RIMS1: variants seen among roughly 807,000 people sequenced by gnomAD.
RIMS1 encodes regulating synaptic membrane exocytosis protein 1.
In RIMS1, 83 loss-of-function variants were observed where a neutral mutation model predicts 214.1. The observed-to-expected ratio is 0.39, with a 90% CI of 0.32 to 0.47. The LOEUF (loss-of-function observed/expected upper bound fraction) is 0.47, where lower values mean the gene tolerates loss of function less well. Ranked by LOEUF, RIMS1 falls within the 20% of genes least tolerant of loss-of-function variation. The pLI is 0.99. For synonymous variants in RIMS1, 793 were observed against 786.8 expected (o/e 1.01, Z -0.13); for missense variants, 2,050 against 2,161.8 (o/e 0.95, Z 1.03).
chr6:72,385,413 T>A (rs922220588), intron 29 of RIMS1, among the ~76,000 whole-genome samples: 1 of 152,200 alleles, frequency 6.6e-6, no homozygotes, highest in African/African-American at 2.4e-5. Context: ...TAACAAACTT[T>A]TACAAACTAA....
chr6:71,960,146 T>C (rs963433533), intron 1 of RIMS1, among the ~76,000 whole-genome samples: 13 of 152,180 alleles, frequency 8.5e-5, no homozygotes, highest in Admixed American at 7.9e-4. Context: ...TTTAGTTATT[T>C]GCTTCTCTTT....
chr6:72,084,884 C>T (rs543578836), intron 2 of RIMS1, among the ~76,000 whole-genome samples: 1 of 152,092 alleles, frequency 6.6e-6, no homozygotes, highest in Non-Finnish European at 1.5e-5. Context: ...ACCATAAAAA[C>T]TACCAACAAT....
intron 1 of RIMS1, among the ~76,000 whole-genome samples, chr6:71,924,864 CTT>C (rs972915587): frequency 3.4e-5 from 5 of 146,016 alleles, no homozygotes; most frequent in Non-Finnish European, 7.6e-5. Flanking sequence ...TAAAAAATCT[CTT>C]TGAGGGTGTT....
At chr6:71,908,486 A>G (rs1380807104) in intron 1 of RIMS1, among the ~76,000 whole-genome samples, 1 of 152,180 alleles carries the variant, frequency 6.6e-6, no homozygotes, top group Non-Finnish European at 1.5e-5. Context: ...ACTGCTTCAT[A>G]TGAGCCTCCT....
At chr6:72,302,894 A>C (rs1383755703) in intron 26 of RIMS1, among the ~76,000 whole-genome samples, 1 of 151,074 alleles carries the variant, frequency 6.6e-6, no homozygotes, top group East Asian at 1.9e-4. Context: ...ATGCTTGAAA[A>C]TATTAGGAGG....
At position 72,010,341 on chromosome 6, in the gene RIMS1, G is replaced by C. The variant is rs141331738; in HGVS notation, c.245+41278G>C. On this transcript the variant is annotated intron_variant, in intron 2 of 33. Coordinates refer to ENST00000521978, the MANE Select transcript of RIMS1 (RefSeq NM_014989.7). ...GATGGGACATATCTCAAAATAATAAGAGCTATCTATGACAAACCCACAGCC... is the reference window on the plus strand; with the variant it reads ...GATGGGACATATCTCAAAATAATAACAGCTATCTATGACAAACCCACAGCC... 4.0e-4 allele frequency among the ~76,000 whole-genome samples: 61 copies of C among 152,222 alleles called. No homozygotes were observed. In the East Asian group the frequency reaches 0.01, roughly 26 times the overall value.
chr6:72,197,702 A>G (rs766358723), intron 6 of RIMS1, among the ~76,000 whole-genome samples: 5 of 152,056 alleles, frequency 3.3e-5, no homozygotes, highest in Non-Finnish European at 5.9e-5. Context: ...TCTCCAAGCC[A>G]GGAAATAAAA....
At chr6:71,970,458 GTA>G (rs1220372634) in intron 2 of RIMS1, among the ~76,000 whole-genome samples, 1 of 151,964 alleles carries the variant, frequency 6.6e-6, no homozygotes, top group Non-Finnish European at 1.5e-5. Context: ...TATATTCCAC[GTA>G]TCGAGGTTTC....
At chr6:72,038,858 T>C (rs1347447760) in intron 2 of RIMS1, among the ~76,000 whole-genome samples, 1 of 152,158 alleles carries the variant, frequency 6.6e-6, no homozygotes, top group East Asian at 1.9e-4. Flanking sequence ...GTTACCATAA[T>C]GAGGTGTTTT....
At chr6:72,300,159 G>A (rs1198161886) in intron 26 of RIMS1, among the ~76,000 whole-genome samples, 2 of 151,766 alleles carry the variant, frequency 1.3e-5, no homozygotes, top group Non-Finnish European at 3.0e-5. Context: ...GGGTTAAGCA[G>A]ATTGATTAGA....
rs1022440461 is a variant in RIMS1, at chr6:72,004,172, A to C, written c.245+35109A>C. ...ACTGAGAATGATGATTTCCCATTTC[A>C]TCCATGTCCCTACAAAGGACATGAA... is the stretch of plus-strand genomic sequence containing the variant. On this transcript the variant is annotated intron_variant, in intron 2 of 33. Coordinates refer to ENST00000521978, the MANE Select transcript of RIMS1 (RefSeq NM_014989.7). Among the ~76,000 whole-genome samples, 130 of 151,352 alleles carry C rather than the reference A, an allele frequency of 8.6e-4. 1 individual carries two copies. Among genetic ancestry groups the C allele is most frequent in the Admixed American group, 1.3e-3 (20 of 15,182 alleles).
Position 72,231,606 on chromosome 6 carries a change from CTA to C in RIMS1, c.1679-2165_1679-2164del, listed in dbSNP as rs538224717. On this transcript the variant is annotated intron_variant, in intron 6 of 33. Transcript: ENST00000521978. ...CTCCTCACTGGAATCATCTGACAGA[CTA>C]TGTGTAATATTTATCCAGTACCAAA... is the stretch of plus-strand genomic sequence containing the variant. Among the ~76,000 whole-genome samples the C allele has an allele frequency of 2.2e-3, 332 of 151,692 alleles. 1 individual carries two copies. The highest frequency in any genetic ancestry group is 7.7e-3 in the African/African-American group (318 of 41,500).
chr6:72,170,251 C>T lies in RIMS1; in HGVS notation c.472-9324C>T, dbSNP rs375318151. 3.3e-5 allele frequency among the ~76,000 whole-genome samples: 5 copies of T among 152,340 alleles called. No individual in the cohort carries two copies. The South Asian group carries it at 8.3e-4, about 25-fold the overall frequency. ...CCAATTTTATATTGTACTCTACCAC[C>T]ACTCAGAGTGCCCAATGCCTTTTCT... On this transcript the variant is annotated intron_variant, in intron 4 of 33. Transcript: ENST00000521978.
intron 2 of RIMS1, among the ~76,000 whole-genome samples, chr6:71,981,358 A>G (rs1798436824): frequency 6.6e-6 from 1 of 152,110 alleles, no homozygotes; most frequent in African/African-American, 2.4e-5. Flanking sequence ...TTTACCCACT[A>G]ACTTCTGGTT....
intron 29 of RIMS1, among the ~76,000 whole-genome samples, chr6:72,338,519 A>G (rs1272296229): frequency 6.6e-6 from 1 of 152,104 alleles, no homozygotes; most frequent in Non-Finnish European, 1.5e-5. Context: ...AACCACCATC[A>G]GAGTGAACAG....
intron 29 of RIMS1, among the ~76,000 whole-genome samples, chr6:72,335,369 G>A (rs1175448532): frequency 6.6e-6 from 1 of 151,958 alleles, no homozygotes; most frequent in African/African-American, 2.4e-5. Flanking sequence ...TGAGAATGGT[G>A]GTTTCCAGCT....
intron 6 of RIMS1, among the ~76,000 whole-genome samples, chr6:72,201,854 T>A (rs1278760082): frequency 6.6e-6 from 1 of 152,202 alleles, no homozygotes; most frequent in African/African-American, 2.4e-5. Context: ...GTTGCCCAAG[T>A]CTTCAGAACT....
chr6:72,078,236 G>A (rs1832402366), intron 2 of RIMS1, among the ~76,000 whole-genome samples: 1 of 152,170 alleles, frequency 6.6e-6, no homozygotes, highest in African/African-American at 2.4e-5. Context: ...TGAGCAGCAG[G>A]TTGCACACAG....
rs1397590345 is a variant in RIMS1 at position 71,887,007 on chromosome 6, G to A, written c.-17G>A. The A allele has an allele frequency of 6.2e-7, 1 of 1,610,180 alleles. No individual in the cohort carries two copies. Among genetic ancestry groups the A allele is most frequent in the East Asian group, 2.2e-5 (1 of 44,816 alleles). ...GAGAGCCAGAGAGCGAGCAGAGGGG[G>A]CGGGCAGGCCACGAAAATGTCCTCG... On this transcript the variant is annotated 5_prime_UTR_variant, in exon 1 of 34. Transcript: ENST00000521978.
Sources: allele counts gnomAD v4.1 joint callset (sites outside exome capture counted in the v4.1 genomes callset), GRCh38; gene constraint gnomAD v4.1.1; transcripts MANE v1.5; gene names NCBI Gene and HGNC (gene_info 2026-07-23, HGNC 2026-07-21).